The following KCNMB2 variants were observed in gnomAD, a reference collection of about 807,000 sequenced individuals.
KCNMB2 encodes calcium-activated potassium channel subunit beta-2.
Under a neutral mutation model 24.5 loss-of-function variants are expected in KCNMB2, and 9 were observed. The ratio of observed to expected loss-of-function variants is 0.37; its 90% CI spans 0.22 to 0.64. The LOEUF (loss-of-function observed/expected upper bound fraction) is 0.64. KCNMB2 is among the 30% of genes least tolerant of loss of function. KCNMB2 has a pLI of 0.63. For missense variants in KCNMB2, 226 were observed against 284.3 expected (o/e 0.79, Z 1.47); for synonymous variants, 109 against 104.4 (o/e 1.04, Z -0.27).
At chr3:178,813,850 A>C (rs1169482569) in intron 2 of KCNMB2, among the ~76,000 whole-genome samples, 1 of 152,164 alleles carries the variant, frequency 6.6e-6, no homozygotes, top group Non-Finnish European at 1.5e-5. Flanking sequence ...TTACATTTTC[A>C]TATGTGTGCA....
chr3:178,824,717 T>C (rs1401833071), intron 2 of KCNMB2: 1 of 152,266 alleles, frequency 6.6e-6, no homozygotes. Flanking sequence ...GCGTGTATCA[T>C]GTCACTTAGC....
intron 1 of KCNMB2, among the ~76,000 whole-genome samples, chr3:178,741,467 T>C (rs901173557): frequency 6.6e-6 from 1 of 152,198 alleles, no homozygotes; most frequent in African/African-American, 2.4e-5. Flanking sequence ...CTTACCTCCA[T>C]CACATTTATC....
chr3:178,603,347 G>T (rs1443603553), intron 1 of KCNMB2, among the ~76,000 whole-genome samples: 1 of 152,178 alleles, frequency 6.6e-6, no homozygotes, highest in Non-Finnish European at 1.5e-5. Context: ...ACAGGTCAGG[G>T]ATCTGGGAAG....
chr3:178,692,022 C>A (rs1269211938), intron 1 of KCNMB2, among the ~76,000 whole-genome samples: 2 of 152,130 alleles, frequency 1.3e-5, no homozygotes, highest in Non-Finnish European at 2.9e-5. Flanking sequence ...AGCTTTTCTT[C>A]ATATTCTCAT....
rs367783325 is a variant in KCNMB2, at chr3:178,651,320, T to C, written c.-68+114609T>C. On this transcript the variant is annotated intron_variant, in intron 1 of 4. Transcript: ENST00000452583. ...ATCATGAGTGAACTCCCATTCACAA[T>C]TGCCACAAAGAGAATAAAATACCTA... 7.9e-5 allele frequency among the ~76,000 whole-genome samples: 12 copies of C among 152,252 alleles called. 1 individual carries two copies. Among genetic ancestry groups the C allele is most frequent in the African/African-American group, 2.6e-4 (11 of 41,556 alleles).
chr3:178,718,140 C>T (rs1299792754), intron 1 of KCNMB2, among the ~76,000 whole-genome samples: 1 of 152,210 alleles, frequency 6.6e-6, no homozygotes, highest in Non-Finnish European at 1.5e-5. Context: ...ATCTGAGCCC[C>T]TTTGTGTCAG....
At chr3:178,729,942 A>C (rs1329621710) in intron 1 of KCNMB2, among the ~76,000 whole-genome samples, 1 of 152,220 alleles carries the variant, frequency 6.6e-6, no homozygotes, top group Non-Finnish European at 1.5e-5. Flanking sequence ...GGTTGACAAA[A>C]GGCTCTCTTC....
intron 2 of KCNMB2, among the ~76,000 whole-genome samples, chr3:178,811,000 C>A (rs1027562402): frequency 6.6e-6 from 1 of 151,274 alleles, no homozygotes; most frequent in Non-Finnish European, 1.5e-5. Context: ...GATCCGCCCA[C>A]CTCAGCCTCC....
intron 1 of KCNMB2, among the ~76,000 whole-genome samples, chr3:178,784,705 C>G (rs188025312): frequency 0.011 from 1,655 of 148,792 alleles, 30 homozygotes; most frequent in African/African-American, 0.039. Flanking sequence ...ATCATTATTC[C>G]TGTTAACTGA....
chr3:178,749,794 T>A (rs576743155), intron 1 of KCNMB2, among the ~76,000 whole-genome samples: 41 of 152,358 alleles, frequency 2.7e-4, no homozygotes, highest in African/African-American at 9.1e-4. Context: ...GGGGTGAAAT[T>A]GTGACAGCTG....
chr3:178,564,473 C>G (rs561749012), intron 1 of KCNMB2, among the ~76,000 whole-genome samples: 1 of 152,192 alleles, frequency 6.6e-6, no homozygotes, highest in South Asian at 2.1e-4. Flanking sequence ...AAAAATCAGA[C>G]CTATCTAACA....
chr3:178,539,861 G>A (rs190713786), intron 1 of KCNMB2, among the ~76,000 whole-genome samples: 5 of 152,170 alleles, frequency 3.3e-5, no homozygotes, highest in African/African-American at 1.2e-4. Flanking sequence ...AAATATTGGA[G>A]TGTTCCATGG....
At chr3:178,782,059 C>A (rs1457813278) in intron 1 of KCNMB2, among the ~76,000 whole-genome samples, 4 of 118,018 alleles carry the variant, frequency 3.4e-5, no homozygotes, top group African/African-American at 1.3e-4. Context: ...TTTGTTCTTG[C>A]GATAGTTTAC....
In KCNMB2 at chr3:178,549,474, C is replaced by CTT. The variant is rs1237618463; in HGVS notation, c.-68+12786_-68+12787dup. On this transcript the variant is annotated intron_variant, in intron 1 of 4. Transcript: ENST00000452583. ...TACAGGCACACACCACAATGCCCAGCTTTTTTTTTTTTTTTTTTTTTTTTG... is the reference window on the plus strand; with the variant it reads ...TACAGGCACACACCACAATGCCCAGCTTTTTTTTTTTTTTTTTTTTTTTTTTG... Among the ~76,000 whole-genome samples the CTT allele has an allele frequency of 7.3e-3, 691 of 94,592 alleles. 22 individuals are homozygous for CTT. Among genetic ancestry groups the CTT allele is most frequent in the African/African-American group, 0.021 (487 of 22,800 alleles). 62.1% of individuals were successfully genotyped at this position (94,592 alleles called of 152,430 possible). A position where few individuals can be genotyped will look rare whatever the true frequency, so the allele number is the denominator to read the frequency against.
chr3:178,627,794 T>C (rs999098108), intron 1 of KCNMB2, among the ~76,000 whole-genome samples: 1 of 152,206 alleles, frequency 6.6e-6, no homozygotes, highest in Non-Finnish European at 1.5e-5. Flanking sequence ...TCTCAAAGAC[T>C]TGAATTGTAT....
chr3:178,714,361 C>A (rs756093991), intron 1 of KCNMB2, among the ~76,000 whole-genome samples: 5 of 152,180 alleles, frequency 3.3e-5, no homozygotes, highest in Non-Finnish European at 5.9e-5. Flanking sequence ...TACAAGTGCT[C>A]TCCTGGACTC....
intron 1 of KCNMB2, among the ~76,000 whole-genome samples, chr3:178,685,727 C>G (rs9867142): frequency 6.6e-6 from 1 of 152,176 alleles, no homozygotes; most frequent in Non-Finnish European, 1.5e-5. Flanking sequence ...TAATCAATAA[C>G]GTTCCCACAG....
intron 1 of KCNMB2, among the ~76,000 whole-genome samples, chr3:178,708,481 A>G (rs1371254688): frequency 6.6e-6 from 1 of 152,160 alleles, no homozygotes; most frequent in Non-Finnish European, 1.5e-5. Flanking sequence ...AGGCACTTAC[A>G]GTGTATAAAA....
intron 1 of KCNMB2, among the ~76,000 whole-genome samples, chr3:178,607,635 G>A (rs1718323509): frequency 6.6e-6 from 1 of 151,550 alleles, no homozygotes; most frequent in African/African-American, 2.4e-5. Context: ...ATGCGTGTGT[G>A]TGTGTGTGTG....
Sources: gnomAD v4.1 joint callset for allele counts (sites outside exome capture counted in the v4.1 genomes callset) on GRCh38, gnomAD v4.1.1 for gene constraint, MANE v1.5 for transcripts, NCBI Gene and HGNC (gene_info 2026-07-23, HGNC 2026-07-21) for gene names.